The following SPATA13 variants were observed in gnomAD, a reference collection of about 807,000 sequenced individuals.
SPATA13 encodes the protein spermatogenesis associated 13.
In SPATA13, 50 loss-of-function variants were observed where a neutral mutation model predicts 104.0. That is an observed-to-expected ratio of 0.48 (90% CI 0.38 to 0.61). The LOEUF (loss-of-function observed/expected upper bound fraction) is 0.61. SPATA13 is among the 20% of genes least tolerant of loss of function. The pLI, the probability that SPATA13 is intolerant of heterozygous loss-of-function variation, is 0.00. For missense variants in SPATA13, 1,524 were observed against 1,690.6 expected, an observed-to-expected ratio of 0.90 and a Z score of 1.73; for synonymous variants, 606 against 667.5, an observed-to-expected ratio of 0.91 and a Z score of 1.42.
intron 2 of SPATA13, among the ~76,000 whole-genome samples, chr13:24,228,429 A>G (rs545144882): frequency 1.3e-5 from 2 of 152,234 alleles, no homozygotes; most frequent in East Asian, 3.9e-4. Flanking sequence ...CTCTTAACAT[A>G]TATGTCAAAA....
chr13:24,023,536 T>C (rs941422559), intron 3 of SPATA13, among the ~76,000 whole-genome samples: 5 of 152,104 alleles, frequency 3.3e-5, no homozygotes, highest in African/African-American at 1.2e-4. Context: ...CTTTCAATGG[T>C]AAAGAAGAAT....
Position 24,223,606 on chromosome 13 carries a change from T to C in SPATA13, c.677T>C (p.Ile226Thr), listed in dbSNP as rs2138612013. Residue 226 changes from isoleucine to threonine, a missense_variant, in exon 2 of 13, where the codon ATA becomes ACA. By Grantham distance (89) the Ile-to-Thr change is moderately conservative. Around this residue, in one of 2 missense-constraint regions of SPATA13, gnomAD observed 1,089 missense variants for 1,135.9 expected, o/e 0.96. Coordinates refer to ENST00000382108, the MANE Select transcript of SPATA13 (RefSeq NM_001166271.3). ...DAPQNHATPT[I>T]ATGQVPAVCE... Reference sequence around the variant, plus strand: ...CCCCAGAACCATGCGACACCCACGATAGCCACTGGCCAGGTGCCCGCCGTG... The same window carrying C: ...CCCCAGAACCATGCGACACCCACGACAGCCACTGGCCAGGTGCCCGCCGTG... The C allele has an allele frequency of 1.9e-6, 3 of 1,551,336 alleles. No individual in the cohort carries two copies. The highest frequency in any genetic ancestry group is 1.7e-4 in the Middle Eastern group (1 of 5,992).
At chr13:24,023,455 A>G (rs1877075144) in intron 3 of SPATA13, among the ~76,000 whole-genome samples, 1 of 152,170 alleles carries the variant, frequency 6.6e-6, no homozygotes, top group Non-Finnish European at 1.5e-5. Context: ...GTTGTTTCAT[A>G]GTGTGGCAAG....
chr13:24,302,454 T>G (rs1593521514), intron 12 of SPATA13, 144 bp from the exon 13 acceptor site: 2 of 528,044 alleles, frequency 3.8e-6, no homozygotes, highest in Non-Finnish European at 6.0e-6. Context: ...AGTAAGACCC[T>G]GTCTCAAAAA....
chr13:24,235,046 G>A (rs1282619781), intron 2 of SPATA13, among the ~76,000 whole-genome samples: 8 of 152,208 alleles, frequency 5.3e-5, no homozygotes, highest in Admixed American at 5.2e-4. Flanking sequence ...TTGGAACATG[G>A]TAAATCGGGT....
At chr13:24,212,172 G>A (rs1368218151) in intron 1 of SPATA13, among the ~76,000 whole-genome samples, 1 of 152,086 alleles carries the variant, frequency 6.6e-6, no homozygotes, top group Non-Finnish European at 1.5e-5. Flanking sequence ...CAGTACTTTG[G>A]GAGGCCAAGG....
intron 3 of SPATA13, among the ~76,000 whole-genome samples, chr13:24,090,723 C>A (rs929149834): frequency 2.6e-5 from 4 of 152,214 alleles, no homozygotes; most frequent in African/African-American, 9.7e-5. Context: ...ACATGACCTC[C>A]TCCAGTGATT....
At chr13:24,050,938 C>A (rs972740096) in intron 3 of SPATA13, among the ~76,000 whole-genome samples, 2 of 152,222 alleles carry the variant, frequency 1.3e-5, no homozygotes, top group African/African-American at 2.4e-5. Flanking sequence ...GTGCTATTTG[C>A]TGACTTCAGT....
chr13:24,051,691 G>A lies in SPATA13; in HGVS notation c.-112+33990G>A, dbSNP rs1878346145. On this transcript the variant is annotated intron_variant, in intron 3 of 14. Coordinates refer to the SPATA13 transcript ENST00000424834. This position sits in a 1 kb window ranked among gnomAD's most constrained non-coding sequence, Gnocchi z 4.2. ...GGAAGCTGAGAAGAGATTACACAGA[G>A]GAGATGATATGAGGCGAATCTTCAG... is the stretch of plus-strand genomic sequence containing the variant. 6.6e-6 allele frequency among the ~76,000 whole-genome samples: 1 copy of A among 152,176 alleles called. No individual in the cohort carries two copies. Among genetic ancestry groups the A allele is most frequent in the Non-Finnish European group, 1.5e-5 (1 of 68,050 alleles).
At chr13:24,221,839 C>A (rs1267368959) in intron 1 of SPATA13, among the ~76,000 whole-genome samples, 2 of 138,384 alleles carry the variant, frequency 1.4e-5, no homozygotes, top group Non-Finnish European at 3.1e-5. Context: ...GACGGAGTCT[C>A]ACTCACTCTG....
upstream of SPATA13, chr13:24,160,719 T>C: frequency 2.0e-6 from 2 of 985,574 alleles, no homozygotes; most frequent in Non-Finnish European, 2.4e-6. Flanking sequence ...GTGGCTTGGC[T>C]GAGTGTGCTG....
chr13:24,178,694 C>G (rs952056217), intron 1 of SPATA13, among the ~76,000 whole-genome samples: 2 of 152,166 alleles, frequency 1.3e-5, no homozygotes, highest in African/African-American at 4.8e-5. Flanking sequence ...CCATTTCTGC[C>G]TGTTACCACC....
At chr13:24,210,172 T>C (rs1317912527) in intron 1 of SPATA13, among the ~76,000 whole-genome samples, 1 of 152,240 alleles carries the variant, frequency 6.6e-6, no homozygotes, top group African/African-American at 2.4e-5. Flanking sequence ...TCATCTATTA[T>C]GGGTATTAGT....
In SPATA13 at chr13:24,222,940, C is replaced by A; in HGVS notation, c.11C>A (p.Ala4Asp). MTQ[A>D]AVRPWAPCLE... ...GCAGTGCCCGTGGCCATGACCCAGG[C>A]TGCCGTGCGGCCCTGGGCACCCTGC... is the stretch of plus-strand genomic sequence containing the variant. The change falls in exon 2 of 13, where the codon GCT becomes GAT. Residue 4 changes from alanine to aspartate, a missense_variant. Around this residue, in one of 2 missense-constraint regions of SPATA13, gnomAD observed 1,089 missense variants for 1,135.9 expected, o/e 0.96. Transcript: ENST00000382108. 6.4e-7 allele frequency: 1 copy of A among 1,551,106 alleles called. No homozygotes were observed. The highest frequency in any genetic ancestry group is 8.7e-7 in the Non-Finnish European group (1 of 1,146,698).
chr13:24,212,248 G>A (rs1430851407), intron 1 of SPATA13, among the ~76,000 whole-genome samples: 4 of 148,490 alleles, frequency 2.7e-5, no homozygotes, highest in African/African-American at 5.0e-5. Flanking sequence ...ACTCCAGCCC[G>A]CACCAGGCTG....
intron 7 of SPATA13, among the ~76,000 whole-genome samples, chr13:24,287,861 C>T (rs1359783411): frequency 6.6e-6 from 1 of 152,158 alleles, no homozygotes; most frequent in Non-Finnish European, 1.5e-5. Context: ...CACTGCTGTT[C>T]GCCCTGTCTG....
chr13:24,054,238 G>A (rs1307712734), intron 3 of SPATA13, among the ~76,000 whole-genome samples: 1 of 152,192 alleles, frequency 6.6e-6, no homozygotes, highest in Non-Finnish European at 1.5e-5. Flanking sequence ...TGAGACCACT[G>A]GTTCATTTAG....
chr13:24,074,683 T>C (rs1031536693), intron 3 of SPATA13, among the ~76,000 whole-genome samples: 1 of 152,152 alleles, frequency 6.6e-6, no homozygotes, highest in African/African-American at 2.4e-5. Context: ...CTCAAATAAC[T>C]GAATCCTGGT....
intron 3 of SPATA13, among the ~76,000 whole-genome samples, chr13:24,071,250 A>C (rs1879152870): frequency 6.6e-6 from 1 of 152,146 alleles, no homozygotes; most frequent in African/African-American, 2.4e-5. Flanking sequence ...GACACATTGG[A>C]ATGGAGGGCA....
Sources: allele counts gnomAD v4.1 joint callset (sites outside exome capture counted in the v4.1 genomes callset), GRCh38; gene constraint gnomAD v4.1.1; regional missense constraint gnomAD v4.1.1; non-coding constraint Gnocchi (gnomAD v3.1); transcripts MANE v1.5; gene names NCBI Gene and HGNC (gene_info 2026-07-23, HGNC 2026-07-21).